Variants in EMCN observed in about 807,000 individuals in gnomAD.
The protein encoded by EMCN is endomucin, also known as MUC-14.
EMCN carries 37 observed loss-of-function variants against 38.4 expected under a neutral mutation model. The ratio of observed to expected loss-of-function variants is 0.96; its 90% CI spans 0.74 to 1.27. The LOEUF (loss-of-function observed/expected upper bound fraction) is 1.27. Among genes scored for constraint, EMCN ranks in the 50% most tolerant of loss-of-function variants. The probability of loss-of-function intolerance (pLI) is 0.00; values close to 1 mark genes in which losing one functional copy is unlikely to be tolerated. For missense variants in EMCN, 318 were observed against 302.8 expected (o/e 1.05, Z -0.37); for synonymous variants, 95 against 100.8 (o/e 0.94, Z 0.35).
intron 2 of EMCN, among the ~76,000 whole-genome samples, chr4:100,478,847 C>T (rs1190735271): frequency 6.6e-6 from 1 of 151,632 alleles, no homozygotes; most frequent in Non-Finnish European, 1.5e-5. Flanking sequence ...TGAAAGTGTC[C>T]CAAAAAAGGA....
intron 6 of EMCN, 36 bp downstream of exon 6, chr4:100,423,276 A>T: frequency 1.3e-6 from 2 of 1,508,150 alleles, no homozygotes; most frequent in Non-Finnish European, 1.8e-6. Context: ...AGGGTCAGGT[A>T]GAGCAGATTT....
chr4:100,421,278 C>A lies in EMCN; in HGVS notation c.664+4G>T, dbSNP rs1026801526. 6.2e-7 allele frequency: 1 copy of A among 1,611,306 alleles called. No individual in the cohort carries two copies. Among genetic ancestry groups the A allele is most frequent in the Non-Finnish European group, 8.5e-7 (1 of 1,177,992 alleles). On this transcript the variant is annotated splice_donor_region_variant and intron_variant, in intron 8 of 11. Transcript: ENST00000296420. ...GGAAAACAAAACAAAACACTGTTACCTACCCGGATCTGCCTTCCAGCACAT... is the reference window on the plus strand; with the variant it reads ...GGAAAACAAAACAAAACACTGTTACATACCCGGATCTGCCTTCCAGCACAT...
intron 4 of EMCN, among the ~76,000 whole-genome samples, chr4:100,462,516 A>G (rs1728208339): frequency 6.6e-6 from 1 of 152,154 alleles, no homozygotes; most frequent in Non-Finnish European, 1.5e-5. Flanking sequence ...TATTTAGTGC[A>G]GGATACAAAT....
In EMCN at chr4:100,459,952, T is replaced by A. The variant is rs1215646312; in HGVS notation, c.376+5471A>T. Among the ~76,000 whole-genome samples, 5 of 152,318 alleles carry A rather than the reference T, an allele frequency of 3.3e-5. No homozygotes were observed. In the East Asian group the frequency reaches 7.7e-4, roughly 23 times the overall value. On this transcript the variant is annotated intron_variant, in intron 4 of 11. Transcript: ENST00000296420. Reference sequence around the variant, plus strand: ...CTTGGATATGTACCCAGAAGTGGGATTACTGGATCATATGATAGCTATAAT... The same window carrying A: ...CTTGGATATGTACCCAGAAGTGGGAATACTGGATCATATGATAGCTATAAT...
At chr4:100,513,384 G>A (rs1307692206) in intron 1 of EMCN, among the ~76,000 whole-genome samples, 1 of 152,124 alleles carries the variant, frequency 6.6e-6, no homozygotes, top group Non-Finnish European at 1.5e-5. Context: ...CACGTTACCT[G>A]TAATGACGCA....
At chr4:100,474,497 A>G (rs373432679) in intron 3 of EMCN, among the ~76,000 whole-genome samples, 4 of 152,212 alleles carry the variant, frequency 2.6e-5, no homozygotes, top group African/African-American at 9.7e-5. Flanking sequence ...CGGCCTCAAG[A>G]CATATACTTA....
intron 5 of EMCN, among the ~76,000 whole-genome samples, chr4:100,444,862 A>G (rs531801935): frequency 1.6e-4 from 24 of 152,244 alleles, no homozygotes; most frequent in Admixed American, 7.2e-4. Context: ...GGGATAGCTC[A>G]GTATGTAGAC....
At chr4:100,413,285 A>T (rs1726615806) in intron 10 of EMCN, among the ~76,000 whole-genome samples, 3 of 152,154 alleles carry the variant, frequency 2.0e-5, no homozygotes. Flanking sequence ...CTGTATTTTA[A>T]AAATTTCTAA....
At chr4:100,496,896 C>A (rs1228194254) in intron 1 of EMCN, among the ~76,000 whole-genome samples, 1 of 152,038 alleles carries the variant, frequency 6.6e-6, no homozygotes, top group Non-Finnish European at 1.5e-5. Context: ...TTAAGGTCTC[C>A]AAATCAGTCA....
intron 2 of EMCN, among the ~76,000 whole-genome samples, 193 bp downstream of exon 2, chr4:100,479,724 C>T (rs1728755199): frequency 6.6e-6 from 1 of 151,992 alleles, no homozygotes; most frequent in Non-Finnish European, 1.5e-5. Flanking sequence ...AGAATATCAA[C>T]AAAGCGGCCC....
At position 100,400,781 on chromosome 4, in the gene EMCN, C is replaced by T. The variant is rs559340871; in HGVS notation, c.*40-2408G>A. On this transcript the variant is annotated intron_variant, in intron 11 of 11. Coordinates refer to ENST00000296420, the MANE Select transcript of EMCN (RefSeq NM_016242.4). Reference sequence around the variant, plus strand: ...GATCAGCAACCTAAATAAGAACAAACTCTAGTTTCATCAGCATGCATTTCA... The same window carrying T: ...GATCAGCAACCTAAATAAGAACAAATTCTAGTTTCATCAGCATGCATTTCA... Among the ~76,000 whole-genome samples the T allele has an allele frequency of 1.2e-4, 18 of 152,244 alleles. No homozygotes were observed. In the South Asian group the frequency reaches 2.7e-3, roughly 23 times the overall value.
chr4:100,486,837 A>G, intron 1 of EMCN: 1 of 984,952 alleles, frequency 1.0e-6, no homozygotes, highest in South Asian at 4.7e-5. Context: ...ATGGAGGTGT[A>G]CAAGGTAAAT....
chr4:100,491,359 C>T (rs1401381901), intron 1 of EMCN, among the ~76,000 whole-genome samples: 1 of 152,200 alleles, frequency 6.6e-6, no homozygotes, highest in African/African-American at 2.4e-5. Context: ...CAGCTCTCTG[C>T]ATGGCCTCAA....
At chr4:100,465,301 A>G in intron 4 of EMCN, 122 bp downstream of exon 4, 2 of 572,746 alleles carry the variant, frequency 3.5e-6, no homozygotes, top group South Asian at 2.7e-5. Flanking sequence ...TCTATTGGGT[A>G]GAGATTAAGA....
At chr4:100,450,628 G>A (rs981693293) in intron 4 of EMCN, among the ~76,000 whole-genome samples, 1 of 151,862 alleles carries the variant, frequency 6.6e-6, no homozygotes, top group African/African-American at 2.4e-5. Flanking sequence ...TGAGTCATTA[G>A]ACATGAGAAT....
intron 4 of EMCN, among the ~76,000 whole-genome samples, chr4:100,461,890 C>G (rs960365676): frequency 6.6e-6 from 1 of 152,136 alleles, no homozygotes; most frequent in Non-Finnish European, 1.5e-5. Context: ...ATTTAACCAA[C>G]AGTAGATTGT....
chr4:100,395,685 A>G lies in EMCN; in HGVS notation c.*2728T>C, dbSNP rs927289067. The G allele has an allele frequency of 1.3e-5, 2 of 152,192 alleles. No homozygotes were observed. The highest frequency in any genetic ancestry group is 2.4e-5 in the African/African-American group (1 of 41,472). 9.4% of individuals were successfully genotyped at this position (152,192 alleles called of 1,614,324 possible). A position where few individuals can be genotyped will look rare whatever the true frequency, so the allele number is the denominator to read the frequency against. On this transcript the variant is annotated 3_prime_UTR_variant, in exon 12 of 12. Coordinates refer to ENST00000296420, the MANE Select transcript of EMCN (RefSeq NM_016242.4). Reference sequence around the variant, plus strand: ...AATGTTCATCATCGAAGGTTTGACTATGTCCTCGGTTGATACTCATAAATT... The same window carrying G: ...AATGTTCATCATCGAAGGTTTGACTGTGTCCTCGGTTGATACTCATAAATT...
chr4:100,508,647 A>C (rs954669370), intron 1 of EMCN, among the ~76,000 whole-genome samples: 4 of 152,196 alleles, frequency 2.6e-5, no homozygotes, highest in African/African-American at 9.6e-5. Context: ...TGCCTTTACA[A>C]TTGAATTTTC....
At chr4:100,472,076 C>T (rs1728493930) in intron 3 of EMCN, among the ~76,000 whole-genome samples, 1 of 151,776 alleles carries the variant, frequency 6.6e-6, no homozygotes, top group Non-Finnish European at 1.5e-5. Flanking sequence ...AGGTGCTAGC[C>T]AGGGTAGTTA....
Sources: allele counts gnomAD v4.1 joint callset (sites outside exome capture counted in the v4.1 genomes callset), GRCh38; gene constraint gnomAD v4.1.1; transcripts MANE v1.5; gene names NCBI Gene and HGNC (gene_info 2026-07-23, HGNC 2026-07-21).